Variants in CALN1 observed in about 807,000 individuals in gnomAD.
The protein encoded by CALN1 is calneuron 1, also known as calcium-binding protein 8.
A neutral mutation model predicts 30.6 loss-of-function variants in CALN1; 17 were observed. That is an observed-to-expected ratio of 0.56 (90% CI 0.38 to 0.83). The LOEUF is 0.83. Among genes scored for constraint, CALN1 ranks in the 40% least tolerant of loss-of-function variants. CALN1 has a pLI of 0.00. For missense variants in CALN1, 291 were observed against 354.9 expected, an observed-to-expected ratio of 0.82 and a Z score of 1.45; for synonymous variants, 156 against 131.4, an observed-to-expected ratio of 1.19 and a Z score of -1.28.
At chr7:71,798,123 C>CAGAGAGAGAGAGAGAGAGAGAG (rs3973907) in intron 6 of CALN1, among the ~76,000 whole-genome samples, 2 of 71,002 alleles carry the variant, frequency 2.8e-5, no homozygotes, top group African/African-American at 6.5e-5. Context: ...GAGACAGAGA[C>CAGAGAGAGAGAGAGAGAGAGAG]AGAGAGAGAG....
chr7:72,473,973 C>T, the CALN1 span, among the ~76,000 whole-genome samples: 1 of 149,022 alleles, frequency 6.7e-6, no homozygotes, highest in Non-Finnish European at 1.5e-5. Context: ...ATAAGTAAAG[C>T]CAATTCGAAA....
intron 2 of CALN1, among the ~76,000 whole-genome samples, chr7:72,291,356 G>A (rs1455191314): frequency 6.6e-6 from 1 of 152,168 alleles, no homozygotes; most frequent in African/African-American, 2.4e-5. Context: ...AGTATTGCCT[G>A]TCATTTGTTG....
intron 2 of CALN1, among the ~76,000 whole-genome samples, chr7:72,283,735 G>A (rs966864737): frequency 3.3e-5 from 5 of 152,196 alleles, no homozygotes; most frequent in African/African-American, 9.7e-5. Context: ...CAAGCTTCAG[G>A]GAGAGGCTGG....
rs1175663291 is a variant in CALN1 at position 71,784,717 on chromosome 7, G to C, written c.*3058C>G. ...CAATCACTCAGCCTCCACACAGTTG[G>C]GCAGCCAAGGTCACTGGTTCCTAAG... On this transcript the variant is annotated 3_prime_UTR_variant, in exon 7 of 7. Coordinates refer to ENST00000395275, the MANE Select transcript of CALN1 (RefSeq NM_031468.4). 1.0e-5 allele frequency: 4 copies of C among 398,130 alleles called. No individual in the cohort carries two copies. Among genetic ancestry groups the C allele is most frequent in the African/African-American group, 2.1e-5 (1 of 48,602 alleles). The allele number at this position is 398,130 out of a possible 1,614,324, so 24.7% of individuals were successfully genotyped here.
At chr7:72,184,012 T>C (rs567503977) in intron 3 of CALN1, among the ~76,000 whole-genome samples, 1 of 152,058 alleles carries the variant, frequency 6.6e-6, no homozygotes, top group Non-Finnish European at 1.5e-5. Context: ...GAAAATTGAA[T>C]TTACTCAACC....
rs1421095447 is a variant in CALN1 at position 71,884,845 on chromosome 7, A to C, written c.502-74353T>G. Among the ~76,000 whole-genome samples, 3 of 152,198 alleles carry C rather than the reference A, an allele frequency of 2.0e-5. No individual in the cohort carries two copies. The East Asian group carries it at 5.8e-4, about 29-fold the overall frequency. ...GTGGGGGAAAATCTGCATCTATAAT[A>C]ATCTCTATTAACGTAGCTAGATCTT... On this transcript the variant is annotated intron_variant, in intron 5 of 6. Coordinates refer to ENST00000395275, the MANE Select transcript of CALN1 (RefSeq NM_031468.4).
At chr7:72,054,462 TATATACATATATAC>T (rs1803080857) in intron 4 of CALN1, among the ~76,000 whole-genome samples, 1 of 132,054 alleles carries the variant, frequency 7.6e-6, no homozygotes, top group African/African-American at 2.8e-5. Flanking sequence ...TATATACATA[TATATACATATATAC>T]ATACATATAT....
intron 6 of CALN1, among the ~76,000 whole-genome samples, chr7:71,791,865 G>A (rs1396794451): frequency 6.6e-6 from 1 of 152,170 alleles, no homozygotes; most frequent in Non-Finnish European, 1.5e-5. Flanking sequence ...AAAAAAATTA[G>A]CCGGGCGTGT....
intron 2 of CALN1, among the ~76,000 whole-genome samples, chr7:72,296,460 C>T (rs1287186071): frequency 6.6e-6 from 1 of 151,336 alleles, no homozygotes; most frequent in Non-Finnish European, 1.5e-5. Context: ...CCTTGTACCT[C>T]TGTAGAATTC....
At chr7:71,914,187 G>A (rs372799066) in intron 5 of CALN1, among the ~76,000 whole-genome samples, 4 of 152,098 alleles carry the variant, frequency 2.6e-5, no homozygotes, top group South Asian at 4.2e-4. Context: ...TATTTTTCCT[G>A]ATCCTCTCCC....
intron 5 of CALN1, among the ~76,000 whole-genome samples, chr7:71,847,950 C>T (rs1170869649): frequency 6.6e-6 from 1 of 152,090 alleles, no homozygotes; most frequent in African/African-American, 2.4e-5. Flanking sequence ...GATTGTGAGG[C>T]CTCCCCAGCC....
At chr7:72,425,150 G>C (rs1807757180) in intron 1 of CALN1, among the ~76,000 whole-genome samples, 1 of 152,136 alleles carries the variant, frequency 6.6e-6, no homozygotes. Context: ...GTCTCACTCT[G>C]TTGCCCAGGC....
intron 2 of CALN1, among the ~76,000 whole-genome samples, chr7:72,297,941 A>T (rs1798979363): frequency 6.6e-6 from 1 of 152,218 alleles, no homozygotes; most frequent in African/African-American, 2.4e-5. Context: ...TTTCTCACAC[A>T]GTTGACAAAG....
chr7:72,303,796 G>A (rs1483588532), intron 2 of CALN1, among the ~76,000 whole-genome samples: 1 of 151,948 alleles, frequency 6.6e-6, no homozygotes, highest in Admixed American at 6.6e-5. Flanking sequence ...GATCCCTTGA[G>A]CCCAGGAGAT....
chr7:71,850,685 G>A (rs11768264), intron 5 of CALN1, among the ~76,000 whole-genome samples: 8,638 of 152,290 alleles, frequency 0.057, 346 homozygotes, highest in Non-Finnish European at 0.089. Flanking sequence ...TAGCTCTGCG[G>A]AGTTCAATAT....
chr7:72,243,837 C>G (rs1453191487), intron 3 of CALN1, among the ~76,000 whole-genome samples: 3 of 152,200 alleles, frequency 2.0e-5, no homozygotes, highest in Admixed American at 2.0e-4. Context: ...AGTCCAGAGA[C>G]AAAGTCCACT....
chr7:72,289,518 T>C (rs1336192927), intron 2 of CALN1, among the ~76,000 whole-genome samples: 1 of 152,208 alleles, frequency 6.6e-6, no homozygotes, highest in African/African-American at 2.4e-5. Context: ...TCTTGATGTG[T>C]AGCATTTTCC....
At position 72,037,257 on chromosome 7, in the gene CALN1, T is replaced by C. The variant is rs1463476510; in HGVS notation, c.389-13488A>G. ...GCCCCACCTCCTGGGTTCGCACTAT[T>C]ATCCTGCCTCAGCCTCCCGAGTAGC... On this transcript the variant is annotated intron_variant, in intron 4 of 6. Coordinates refer to ENST00000395275, the MANE Select transcript of CALN1 (RefSeq NM_031468.4). Among the ~76,000 whole-genome samples the C allele has an allele frequency of 5.3e-5, 8 of 152,290 alleles. No individual in the cohort carries two copies. In the East Asian group the frequency reaches 1.5e-3, roughly 29 times the overall value.
intron 4 of CALN1, among the ~76,000 whole-genome samples, chr7:72,097,702 ATTTT>A (rs374108880): frequency 6.7e-6 from 1 of 149,802 alleles, no homozygotes; most frequent in Non-Finnish European, 1.5e-5. Flanking sequence ...TTTTTTGACT[ATTTT>A]TTTTTCTTTT....
Sources: allele counts gnomAD v4.1 joint callset (sites outside exome capture counted in the v4.1 genomes callset), GRCh38; gene constraint gnomAD v4.1.1; transcripts MANE v1.5; gene names NCBI Gene and HGNC (gene_info 2026-07-23, HGNC 2026-07-21).